C8orf89: variants seen among roughly 807,000 people sequenced by gnomAD.
C8orf89 encodes the protein chromosome 8 open reading frame 89, also known as putative uncharacterized protein C8orf89.
C8orf89 carries 14 observed loss-of-function variants against 15.8 expected under a neutral mutation model. That is an observed-to-expected ratio of 0.89 (90% CI 0.59 to 1.39). C8orf89 has a LOEUF of 1.39. Ranked by LOEUF, C8orf89 falls within the 40% of genes most tolerant of loss-of-function variation. The pLI, the probability that C8orf89 is intolerant of heterozygous loss-of-function variation, is 0.00. For missense variants in C8orf89, 181 were observed against 184.5 expected (o/e 0.98, Z 0.11); for synonymous variants, 55 against 62.2 (o/e 0.88, Z 0.54).
chr8:73,283,893 A>C, the C8orf89 span, among the ~76,000 whole-genome samples: 2 of 151,854 alleles, frequency 1.3e-5, no homozygotes, highest in African/African-American at 4.8e-5. Context: ...TACAAAAAAA[A>C]TTACTCGAGC....
intron 2 of C8orf89, among the ~76,000 whole-genome samples, chr8:73,252,139 A>G (rs894238844): frequency 2.0e-5 from 3 of 152,178 alleles, no homozygotes; most frequent in African/African-American, 4.8e-5. Flanking sequence ...TGCGTTTTAT[A>G]TTTTTATAGC....
chr8:73,270,000 C>T, the C8orf89 span, among the ~76,000 whole-genome samples: 1 of 152,174 alleles, frequency 6.6e-6, no homozygotes. Flanking sequence ...TGAAGCAACA[C>T]TAGTATGTTA....
the C8orf89 span, among the ~76,000 whole-genome samples, chr8:73,265,494 G>C: frequency 3.4e-3 from 521 of 152,294 alleles, no homozygotes; most frequent in Admixed American, 5.4e-3. Flanking sequence ...CTCAGGAAAG[G>C]CTTTAAGGAG....
chr8:73,269,189 T>C, the C8orf89 span, among the ~76,000 whole-genome samples: 1 of 152,222 alleles, frequency 6.6e-6, no homozygotes, highest in Non-Finnish European at 1.5e-5. Context: ...GCAAAATCTC[T>C]ATTTAAAAAT....
intron 2 of C8orf89, among the ~76,000 whole-genome samples, chr8:73,256,019 TTAATGGGTGCAGCG>T (rs1397358924): frequency 6.6e-6 from 1 of 151,090 alleles, no homozygotes; most frequent in Non-Finnish European, 1.5e-5. Flanking sequence ...AAATGACGAG[TTAATGGGTGCAGCG>T]CACCAGCATG....
chr8:73,285,670 C>G, the C8orf89 span, among the ~76,000 whole-genome samples: 2 of 152,352 alleles, frequency 1.3e-5, no homozygotes, highest in South Asian at 4.1e-4. Context: ...CGTTGCGGCC[C>G]AGGTAGGAGG....
intron 3 of C8orf89, among the ~76,000 whole-genome samples, chr8:73,246,092 A>T (rs1813116146): frequency 6.6e-6 from 1 of 152,250 alleles, no homozygotes; most frequent in South Asian, 2.1e-4. Context: ...TTAGCAAATT[A>T]AATGTGGCAG....
At chr8:73,285,335 C>T in the C8orf89 span, among the ~76,000 whole-genome samples, 1 of 152,160 alleles carries the variant, frequency 6.6e-6, no homozygotes, top group Admixed American at 6.5e-5. Context: ...GGCAGGCGGA[C>T]CCGCTTCCCT....
the C8orf89 span, among the ~76,000 whole-genome samples, chr8:73,281,686 T>C: frequency 6.6e-6 from 1 of 152,212 alleles, no homozygotes; most frequent in African/African-American, 2.4e-5. Context: ...GAGCAAGTGA[T>C]GTTCAAGCTA....
the C8orf89 span, among the ~76,000 whole-genome samples, chr8:73,274,961 G>T: frequency 6.6e-6 from 1 of 152,104 alleles, no homozygotes; most frequent in African/African-American, 2.4e-5. Flanking sequence ...CAAGTGGTAA[G>T]GTGAATTGTT....
In C8orf89 at chr8:73,257,026, T is replaced by C; in HGVS notation, c.228A>G (p.Pro76=). ...QSCQKSVSST[P]LEVPKRLPRA... ...GTGGCAGTCTTTTAGGAACCTCTAG[T>C]GGAGTTGAACTTACACTTTTTTGGC... Residue 76 remains proline (P), a synonymous_variant, in exon 2 of 4, where the codon CCA becomes CCG. Transcript: ENST00000624510. 3 of 1,535,232 alleles carry C rather than the reference T, an allele frequency of 2.0e-6. No individual in the cohort carries two copies. The South Asian group carries it at 3.6e-5, about 18-fold the overall frequency.
At chr8:73,245,662 G>A (rs565175916) in intron 3 of C8orf89, among the ~76,000 whole-genome samples, 93 of 152,050 alleles carry the variant, frequency 6.1e-4, no homozygotes, top group African/African-American at 2.1e-3. Context: ...TATAATATTG[G>A]GAAAAGAGGA....
chr8:73,277,495 A>G, the C8orf89 span: 3 of 829,520 alleles, frequency 3.6e-6, no homozygotes, highest in South Asian at 4.5e-5. Flanking sequence ...TGATGCCACC[A>G]CGAAAACTTC....
intron 2 of C8orf89, among the ~76,000 whole-genome samples, chr8:73,256,407 C>T (rs1813385903): frequency 6.6e-6 from 1 of 151,766 alleles, no homozygotes; most frequent in Non-Finnish European, 1.5e-5. Flanking sequence ...ATGATCTAGG[C>T]TAGGACAATC....
At chr8:73,267,595 A>C in the C8orf89 span, among the ~76,000 whole-genome samples, 3 of 152,230 alleles carry the variant, frequency 2.0e-5, no homozygotes, top group Non-Finnish European at 4.4e-5. Flanking sequence ...AGGGAATTAG[A>C]GTATGATTAT....
intron 1 of C8orf89, 29 bp downstream of exon 1, chr8:73,259,303 C>T (rs1022627745): frequency 2.1e-6 from 3 of 1,400,604 alleles, no homozygotes; most frequent in Non-Finnish European, 2.9e-6. Context: ...TCTATGTTTT[C>T]TTAAGGAAAA....
intron 2 of C8orf89, among the ~76,000 whole-genome samples, chr8:73,254,855 T>C (rs963821762): frequency 7.3e-5 from 11 of 151,418 alleles, no homozygotes; most frequent in African/African-American, 9.7e-5. Flanking sequence ...CTGAGAAAAA[T>C]AAGCAATGGG....
the C8orf89 span, among the ~76,000 whole-genome samples, chr8:73,280,464 A>T: frequency 6.6e-6 from 1 of 152,118 alleles, no homozygotes; most frequent in South Asian, 2.1e-4. Flanking sequence ...TCCACCTCCC[A>T]GGTTCAAGCA....
chr8:73,259,143 A>T (rs981641793), intron 1 of C8orf89, among the ~76,000 whole-genome samples, 189 bp downstream of exon 1: 1 of 152,170 alleles, frequency 6.6e-6, no homozygotes, highest in African/African-American at 2.4e-5. Flanking sequence ...ATTTGTTTCC[A>T]TCATGAGTCA....
Sources: allele counts gnomAD v4.1 joint callset (sites outside exome capture counted in the v4.1 genomes callset), GRCh38; gene constraint gnomAD v4.1.1; transcripts MANE v1.5; gene names NCBI Gene and HGNC (gene_info 2026-07-23, HGNC 2026-07-21).